Variants in AGPAT4 observed in about 807,000 individuals in gnomAD.
AGPAT4 encodes 1-acyl-sn-glycerol-3-phosphate acyltransferase delta.
A neutral mutation model predicts 48.0 loss-of-function variants in AGPAT4; 15 were observed. The ratio of observed to expected loss-of-function variants is 0.31; its 90% CI spans 0.21 to 0.48. AGPAT4 has a LOEUF of 0.48. Ranked by LOEUF, AGPAT4 falls within the 20% of genes least tolerant of loss-of-function variation. The pLI is 0.99. For synonymous variants in AGPAT4, 178 were observed against 198.7 expected (o/e 0.90, Z 0.88); for missense variants, 314 against 482.5 (o/e 0.65, Z 3.27).
In AGPAT4 at chr6:161,242,412, G is replaced by A. The variant is rs928090211; in HGVS notation, c.-89-10110C>T. Among the ~76,000 whole-genome samples, 9 of 152,098 alleles carry A rather than the reference G, an allele frequency of 5.9e-5. No individual in the cohort carries two copies. The highest frequency in any genetic ancestry group is 1.5e-5 in the Non-Finnish European group (1 of 68,020). ...TTGGGGTGCTCATGAGTATTTAAGC[G>A]ACTTCCCTTTCACAGTCAGTCCTGG... On this transcript the variant is annotated intron_variant, in intron 1 of 8. Transcript: ENST00000320285. The surrounding 1 kb of genome is among the most constrained non-coding windows in gnomAD (Gnocchi z 5.0).
Position 161,200,723 on chromosome 6 carries a change from G to A in AGPAT4, c.178+31313C>T, listed in dbSNP as rs1328507898. 6.6e-6 allele frequency among the ~76,000 whole-genome samples: 1 copy of A among 152,296 alleles called. No individual in the cohort carries two copies. Among genetic ancestry groups the A allele is most frequent in the East Asian group, 1.9e-4 (1 of 5,178 alleles). Reference sequence around the variant, plus strand: ...TCGGGGACAAACAAGTGACATATTGGAATTCAAATGAGGCTCCATCTGTTC... The same window carrying A: ...TCGGGGACAAACAAGTGACATATTGAAATTCAAATGAGGCTCCATCTGTTC... On this transcript the variant is annotated intron_variant, in intron 2 of 8. Coordinates refer to ENST00000320285, the MANE Select transcript of AGPAT4 (RefSeq NM_020133.3). This position sits in a 1 kb window ranked among gnomAD's most constrained non-coding sequence, Gnocchi z 5.5.
intron 1 of AGPAT4, among the ~76,000 whole-genome samples, chr6:161,260,132 A>T (rs3757032): frequency 0.6 from 91,515 of 151,972 alleles, 29,688 homozygotes; most frequent in African/African-American, 0.86. Flanking sequence ...ACTGCTAGGA[A>T]GACGGAGGGG....
Position 161,154,427 on chromosome 6 carries a change from A to C in AGPAT4, c.349-117T>G, listed in dbSNP as rs1179777298. On this transcript the variant is annotated intron_variant, in intron 3 of 8. Coordinates refer to ENST00000320285, the MANE Select transcript of AGPAT4 (RefSeq NM_020133.3). This position sits in a 1 kb window ranked among gnomAD's most constrained non-coding sequence, Gnocchi z 7.8. ...GGACGTTCACACCAGACGCCTCGGG[A>C]CAGTCCCAGAACACATGCTGTCGAG... 1 of 1,181,512 alleles carries C rather than the reference A, an allele frequency of 8.5e-7. No homozygotes were observed. The highest frequency in any genetic ancestry group is 1.5e-5 in the African/African-American group (1 of 65,090). 73.2% of individuals were successfully genotyped at this position (1,181,512 alleles called of 1,614,324 possible).
Position 161,222,794 on chromosome 6 carries a change from T to A in AGPAT4, c.178+9242A>T, listed in dbSNP as rs1421141144. 1.3e-5 allele frequency among the ~76,000 whole-genome samples: 2 copies of A among 152,186 alleles called. No homozygotes were observed. Among genetic ancestry groups the A allele is most frequent in the African/African-American group, 2.4e-5 (1 of 41,434 alleles). Reference sequence around the variant, plus strand: ...CTGCCTGCTCTCCTGCAGGTGTCTGTGGATGCTTCCTCTGGCCTCATTCAT... The same window carrying A: ...CTGCCTGCTCTCCTGCAGGTGTCTGAGGATGCTTCCTCTGGCCTCATTCAT... On this transcript the variant is annotated intron_variant, in intron 2 of 8. Transcript: ENST00000320285. The surrounding 1 kb of genome is among the most constrained non-coding windows in gnomAD (Gnocchi z 5.9).
In AGPAT4 at chr6:161,149,310, AC is replaced by A. The variant is rs748449288; in HGVS notation, c.665-22del. 1 of 1,599,132 alleles carries A rather than the reference AC, an allele frequency of 6.3e-7. No homozygotes were observed. Among genetic ancestry groups the A allele is most frequent in the Non-Finnish European group, 8.5e-7 (1 of 1,176,608 alleles). On this transcript the variant is annotated intron_variant, in intron 5 of 8. Coordinates refer to ENST00000320285, the MANE Select transcript of AGPAT4 (RefSeq NM_020133.3). This position sits in a 1 kb window ranked among gnomAD's most constrained non-coding sequence, Gnocchi z 6.5. Reference sequence around the variant, plus strand: ...TGAAACTATAAAAAATAAAACAAATACAAAGCAGTATATAGCGTGTGAACCC... The same window carrying A: ...TGAAACTATAAAAAATAAAACAAATAAAAGCAGTATATAGCGTGTGAACCC...
rs373360789 is a variant in AGPAT4, at chr6:161,154,137, G to C, written c.510+12C>G. 6.2e-7 allele frequency: 1 copy of C among 1,614,046 alleles called. No homozygotes were observed. The highest frequency in any genetic ancestry group is 8.5e-7 in the Non-Finnish European group (1 of 1,180,020). On this transcript the variant is annotated intron_variant, in intron 4 of 8. Transcript: ENST00000320285. This position sits in a 1 kb window ranked among gnomAD's most constrained non-coding sequence, Gnocchi z 7.8. ...GAGCCCTTGGGACACAGCTGCTCTG[G>C]TGCCTACATACAAAATACTTCTCGG...
rs1366642828 is a variant in AGPAT4 at position 161,242,102 on chromosome 6, A to G, written c.-89-9800T>C. Among the ~76,000 whole-genome samples, 1 of 152,222 alleles carries G rather than the reference A, an allele frequency of 6.6e-6. No individual in the cohort carries two copies. Among genetic ancestry groups the G allele is most frequent in the Non-Finnish European group, 1.5e-5 (1 of 68,046 alleles). On this transcript the variant is annotated intron_variant, in intron 1 of 8. Transcript: ENST00000320285. This position sits in a 1 kb window ranked among gnomAD's most constrained non-coding sequence, Gnocchi z 5.0. Reference sequence around the variant, plus strand: ...CAGTGCAGCAGCATCAGTATAAAAAATGTTTAGCATATATTATCCCATTAG... The same window carrying G: ...CAGTGCAGCAGCATCAGTATAAAAAGTGTTTAGCATATATTATCCCATTAG...
In AGPAT4 at chr6:161,148,138, C is replaced by T. The variant is rs1254724190; in HGVS notation, c.767+1049G>A. 6.6e-6 allele frequency among the ~76,000 whole-genome samples: 1 copy of T among 152,192 alleles called. No homozygotes were observed. The highest frequency in any genetic ancestry group is 1.5e-5 in the Non-Finnish European group (1 of 68,038). ...GGAGCTCCTGCCAGCTGTCAGAGAA[C>T]ATGGGGAATAAAACCTCACTTTACT... is the stretch of plus-strand genomic sequence containing the variant. On this transcript the variant is annotated intron_variant, in intron 6 of 8. Coordinates refer to ENST00000320285, the MANE Select transcript of AGPAT4 (RefSeq NM_020133.3). The surrounding 1 kb of genome is among the most constrained non-coding windows in gnomAD (Gnocchi z 5.5).
intron 2 of AGPAT4, among the ~76,000 whole-genome samples, chr6:161,181,862 C>G (rs888695014): frequency 6.6e-6 from 1 of 152,032 alleles, no homozygotes; most frequent in East Asian, 1.9e-4. Flanking sequence ...ATTTTGCCCC[C>G]AAGGGGACAA....
chr6:161,209,383 T>G (rs965400656), intron 2 of AGPAT4, among the ~76,000 whole-genome samples: 25 of 152,352 alleles, frequency 1.6e-4, no homozygotes, highest in African/African-American at 5.8e-4. Flanking sequence ...AGGAAAGCCT[T>G]GCCAAGCTGC....
rs1196967082 is a variant in AGPAT4 at position 161,261,118 on chromosome 6, G to A, written c.-90+12820C>T. ...CTCCCACTGTTGACTTGCCAAACATGTGTTTATCCTTCCAACCCCTGCTTA... is the reference window on the plus strand; with the variant it reads ...CTCCCACTGTTGACTTGCCAAACATATGTTTATCCTTCCAACCCCTGCTTA... On this transcript the variant is annotated intron_variant, in intron 1 of 8. Coordinates refer to ENST00000320285, the MANE Select transcript of AGPAT4 (RefSeq NM_020133.3). This position sits in a 1 kb window ranked among gnomAD's most constrained non-coding sequence, Gnocchi z 5.3. Among the ~76,000 whole-genome samples the A allele has an allele frequency of 1.3e-5, 2 of 152,052 alleles. No individual in the cohort carries two copies. Among genetic ancestry groups the A allele is most frequent in the Non-Finnish European group, 2.9e-5 (2 of 68,016 alleles).
At chr6:161,211,167 C>T (rs927389219) in intron 2 of AGPAT4, among the ~76,000 whole-genome samples, 1 of 152,058 alleles carries the variant, frequency 6.6e-6, no homozygotes, top group Non-Finnish European at 1.5e-5. Context: ...CATAAATAAT[C>T]TAGCTAAACA....
rs750583932 is a variant in AGPAT4, at chr6:161,240,712, C to T, written c.-89-8410G>A. Among the ~76,000 whole-genome samples the T allele has an allele frequency of 2.6e-5, 4 of 152,084 alleles. No homozygotes were observed. Among genetic ancestry groups the T allele is most frequent in the Non-Finnish European group, 4.4e-5 (3 of 68,016 alleles). On this transcript the variant is annotated intron_variant, in intron 1 of 8. Transcript: ENST00000320285. The surrounding 1 kb of genome is among the most constrained non-coding windows in gnomAD (Gnocchi z 5.5). ...GAGAAAGGAGGGAGCTGGTGTCCAG[C>T]ACACACTACATTCAGATTGCCAGCA...
In AGPAT4 at chr6:161,197,104, C is replaced by T. The variant is rs1347101194; in HGVS notation, c.179-30687G>A. On this transcript the variant is annotated intron_variant, in intron 2 of 8. Coordinates refer to ENST00000320285, the MANE Select transcript of AGPAT4 (RefSeq NM_020133.3). The surrounding 1 kb of genome is among the most constrained non-coding windows in gnomAD (Gnocchi z 5.7). ...ACTTTCCCAAACTTGTTTCATGGAA[C>T]GGATCCAGGAACACTTTAATTTGCC... Among the ~76,000 whole-genome samples the T allele has an allele frequency of 6.6e-6, 1 of 152,132 alleles. No individual in the cohort carries two copies. The highest frequency in any genetic ancestry group is 1.5e-5 in the Non-Finnish European group (1 of 68,024).
rs1216193200 is a variant in AGPAT4 at position 161,141,609 on chromosome 6, T to C, written c.844-1989A>G. On this transcript the variant is annotated intron_variant, in intron 7 of 8. Coordinates refer to ENST00000320285, the MANE Select transcript of AGPAT4 (RefSeq NM_020133.3). This position sits in a 1 kb window ranked among gnomAD's most constrained non-coding sequence, Gnocchi z 6.7. ...TTTTTTAAAAAAAAAACAGCTTTCT[T>C]AAGATGTCACTTACATGCCATAGAA... Among the ~76,000 whole-genome samples the C allele has an allele frequency of 2.0e-5, 3 of 152,110 alleles. No individual in the cohort carries two copies. Among genetic ancestry groups the C allele is most frequent in the Non-Finnish European group, 4.4e-5 (3 of 68,004 alleles).
chr6:161,273,794 T>TCCCCCCCCCCCCCC (rs398003232), intron 1 of AGPAT4, 144 bp downstream of exon 1: 1 of 72,272 alleles, frequency 1.4e-5, no homozygotes, highest in Non-Finnish European at 3.0e-5. Flanking sequence ...CGCCTTGCAC[T>TCCCCCCCCCCCCCC]CCCCCCCCGC....
Position 161,258,335 on chromosome 6 carries a change from C to G in AGPAT4, c.-90+15603G>C, listed in dbSNP as rs530221140. 2.6e-5 allele frequency among the ~76,000 whole-genome samples: 4 copies of G among 152,314 alleles called. No homozygotes were observed. In the South Asian group the frequency reaches 6.2e-4, roughly 24 times the overall value. On this transcript the variant is annotated intron_variant, in intron 1 of 8. Coordinates refer to ENST00000320285, the MANE Select transcript of AGPAT4 (RefSeq NM_020133.3). ...CCTTTCCCATTTGAAAACAAATTTC[C>G]TGCAAACGGGTTGGCAGATTCTCCA...
intron 1 of AGPAT4, among the ~76,000 whole-genome samples, chr6:161,248,636 G>C (rs1466682702): frequency 6.7e-6 from 1 of 149,162 alleles, no homozygotes; most frequent in Non-Finnish European, 1.5e-5. Flanking sequence ...ATCGCTACAA[G>C]GAGAACTACA....
chr6:161,242,005 T>C lies in AGPAT4; in HGVS notation c.-89-9703A>G, dbSNP rs569417778. ...GCCTCAGCCTTCCAAAGTGCTGGGA[T>C]TACAGGCGTGAGCCACAGCACCTGG... On this transcript the variant is annotated intron_variant, in intron 1 of 8. Transcript: ENST00000320285. This position sits in a 1 kb window ranked among gnomAD's most constrained non-coding sequence, Gnocchi z 5.0. Among the ~76,000 whole-genome samples the C allele has an allele frequency of 3.9e-5, 6 of 152,342 alleles. No individual in the cohort carries two copies. In the South Asian group the frequency reaches 1.2e-3, roughly 32 times the overall value.
Sources: gnomAD v4.1 joint callset for allele counts (sites outside exome capture counted in the v4.1 genomes callset) on GRCh38, gnomAD v4.1.1 for gene constraint, Gnocchi (gnomAD v3.1) non-coding constraint, MANE v1.5 for transcripts, NCBI Gene and HGNC (gene_info 2026-07-23, HGNC 2026-07-21) for gene names.